Variants in SCN11A observed in about 807,000 individuals in gnomAD.
The protein encoded by SCN11A is sodium voltage-gated channel alpha subunit 11.
A neutral mutation model predicts 162.2 loss-of-function variants in SCN11A; 122 were observed. That is an observed-to-expected ratio of 0.75 (90% CI 0.65 to 0.87). SCN11A has a LOEUF of 0.87. SCN11A is among the 40% of genes least tolerant of loss of function. The probability of loss-of-function intolerance (pLI) is 0.00; values close to 1 mark genes in which losing one functional copy is unlikely to be tolerated. For synonymous variants in SCN11A, 758 were observed against 751.5 expected, an observed-to-expected ratio of 1.01 and a Z score of -0.14; for missense variants, 2,015 against 2,181.6, an observed-to-expected ratio of 0.92 and a Z score of 1.52.
In SCN11A at chr3:38,953,643, T is replaced by G. The variant is rs912270698; in HGVS notation, c.-22A>C. ...ATGGTCCTTACCGAGATTCCTGGCT[T>G]GAGCAGATGAGAGGACAGTGTGGCC... On this transcript the variant is annotated 5_prime_UTR_variant, in exon 4 of 30. Transcript: ENST00000302328. Among the ~76,000 whole-genome samples the G allele has an allele frequency of 7.2e-5, 11 of 151,872 alleles. No homozygotes were observed. The highest frequency in any genetic ancestry group is 1.9e-4 in the African/African-American group (8 of 41,350).
chr3:38,899,972 A>G lies in SCN11A; in HGVS notation c.1944T>C (p.Val648=). 8 of 1,614,164 alleles carry G rather than the reference A, an allele frequency of 5.0e-6. No homozygotes were observed. Among genetic ancestry groups the G allele is most frequent in the Non-Finnish European group, 6.8e-6 (8 of 1,179,998 alleles). ...RRGWNIFDSI[V]ALLSFADVMN... ...TTACATCTGCAAAACTCAGAAGAGC[A>G]ACAATGCTGTCAAAAATGTTCCAGC... Residue 648 remains valine (V), a synonymous_variant, in exon 17 of 30, where the codon GTT becomes GTC. Coordinates refer to ENST00000302328, the MANE Select transcript of SCN11A (RefSeq NM_001349253.2).
intron 6 of SCN11A, among the ~76,000 whole-genome samples, chr3:38,945,959 G>C (rs751887867): frequency 6.6e-6 from 1 of 151,956 alleles, no homozygotes; most frequent in Non-Finnish European, 1.5e-5. Flanking sequence ...TGCTTCTAGG[G>C]AACCAAACCC....
intron 7 of SCN11A, among the ~76,000 whole-genome samples, chr3:38,927,403 C>G (rs1288171734): frequency 6.6e-6 from 1 of 152,060 alleles, no homozygotes; most frequent in Non-Finnish European, 1.5e-5. Flanking sequence ...TCTACAGATT[C>G]AGTGCAATCC....
intron 2 of SCN11A, among the ~76,000 whole-genome samples, chr3:38,973,936 ATTC>A (rs1251122789): frequency 6.6e-6 from 1 of 152,252 alleles, no homozygotes; most frequent in Non-Finnish European, 1.5e-5. Context: ...GCCAACAGGA[ATTC>A]TTTCTGAAGG....
chr3:38,951,430 C>A (rs533056731), intron 4 of SCN11A, among the ~76,000 whole-genome samples: 1 of 152,380 alleles, frequency 6.6e-6, no homozygotes, highest in East Asian at 1.9e-4. Flanking sequence ...GCCTGAGCCT[C>A]CCACTCCCTC....
intron 2 of SCN11A, among the ~76,000 whole-genome samples, chr3:38,963,625 A>C (rs2066761902): frequency 6.6e-6 from 1 of 151,868 alleles, no homozygotes; most frequent in Non-Finnish European, 1.5e-5. Flanking sequence ...TAACTCAGGA[A>C]TTGAAAACTG....
In SCN11A at chr3:38,931,034, C is replaced by T. The variant is rs148385607; in HGVS notation, c.489-4103G>A. ...GCAGCTGTGGAAACAATGCACTCTC[C>T]TGATCTGTCTCCTCCATAGGTCCTG... On this transcript the variant is annotated intron_variant, in intron 7 of 29. Coordinates refer to ENST00000302328, the MANE Select transcript of SCN11A (RefSeq NM_001349253.2). Among the ~76,000 whole-genome samples the T allele has an allele frequency of 1.4e-4, 21 of 152,378 alleles. No individual in the cohort carries two copies. The East Asian group carries it at 4.0e-3, about 29-fold the overall frequency.
At chr3:38,900,135 C>T in intron 16 of SCN11A, 62 bp from the exon 17 acceptor site, 1 of 1,332,266 alleles carries the variant, frequency 7.5e-7, no homozygotes, top group Non-Finnish European at 1.1e-6. Context: ...TTAAGAATGG[C>T]CCAAGGGAAG....
intron 26 of SCN11A, among the ~76,000 whole-genome samples, chr3:38,869,282 C>T (rs187950594): frequency 3.4e-4 from 52 of 152,218 alleles, no homozygotes; most frequent in Admixed American, 2.2e-3. Flanking sequence ...TCTCCACCTC[C>T]GCACAGATGG....
intron 2 of SCN11A, among the ~76,000 whole-genome samples, chr3:39,028,977 T>C (rs2031675627): frequency 6.6e-6 from 1 of 152,220 alleles, no homozygotes; most frequent in Admixed American, 6.5e-5. Flanking sequence ...ATTCAAGCCA[T>C]TAGTAACTGC....
At chr3:38,908,930 C>T (rs2065843989) in intron 13 of SCN11A, 67 bp downstream of exon 13, 1 of 1,410,726 alleles carries the variant, frequency 7.1e-7, no homozygotes, top group Non-Finnish European at 1.0e-6. Context: ...AGTCTCAGGT[C>T]ACATTGCCTC....
Position 38,910,030 on chromosome 3 carries a change from G to T in SCN11A, c.1101+36C>A, listed in dbSNP as rs181765363. 1.0e-5 allele frequency: 16 copies of T among 1,599,592 alleles called. No individual in the cohort carries two copies. In the East Asian group the frequency reaches 2.7e-4, roughly 27 times the overall value. ...AGGGGGAAGGAAAAGGATGGAGGGA[G>T]GGAGAGAGGAAAAAGAGAGACTATA... is the stretch of plus-strand genomic sequence containing the variant. On this transcript the variant is annotated intron_variant, in intron 12 of 29. Transcript: ENST00000302328.
chr3:38,952,152 G>GT (rs1480472839), intron 4 of SCN11A, among the ~76,000 whole-genome samples: 1 of 152,124 alleles, frequency 6.6e-6, no homozygotes, highest in Non-Finnish European at 1.5e-5. Context: ...CTTAAGAGCC[G>GT]TAACACTCAC....
chr3:39,041,871 A>G (rs1407011030), intron 1 of SCN11A, among the ~76,000 whole-genome samples: 1 of 152,226 alleles, frequency 6.6e-6, no homozygotes, highest in Non-Finnish European at 1.5e-5. Context: ...ACTAGAAAAC[A>G]ATTAACAATA....
In SCN11A at chr3:38,904,044, G is replaced by T. The variant is rs551662571; in HGVS notation, c.1663C>A (p.Leu555Ile). The change falls in exon 16 of 30, where the codon CTC becomes ATC. Residue 555 changes from leucine to isoleucine, a missense_variant. Coordinates refer to ENST00000302328, the MANE Select transcript of SCN11A (RefSeq NM_001349253.2). ...PCGENLASKY[L>I]VWNCCPQWLC... ...CACTGGGGGCAACAGTTCCACACGA[G>T]GTACTTGGATGCCAGGTTTTCTCCA... The T allele has an allele frequency of 6.2e-7, 1 of 1,603,508 alleles. No individual in the cohort carries two copies. The highest frequency in any genetic ancestry group is 1.3e-5 in the African/African-American group (1 of 74,398).
In SCN11A at chr3:38,978,706, A is replaced by G. The variant is rs1291403696; in HGVS notation, c.-279-18283T>C. ...AAGTAATATAAAGTGAAATGAAGAT[A>G]ATTTGATTTTATTAAATTTAAACAT... On this transcript the variant is annotated intron_variant, in intron 2 of 29. Transcript: ENST00000302328. 3.3e-5 allele frequency among the ~76,000 whole-genome samples: 5 copies of G among 152,212 alleles called. No individual in the cohort carries two copies. The East Asian group carries it at 5.8e-4, about 18-fold the overall frequency.
At chr3:38,888,331 G>T (rs1004453970) in intron 19 of SCN11A, among the ~76,000 whole-genome samples, 17 of 152,190 alleles carry the variant, frequency 1.1e-4, no homozygotes, top group Non-Finnish European at 2.2e-4. Flanking sequence ...AGAAGACATG[G>T]ATCTGAAATG....
At chr3:38,889,132 T>C (rs1221892949) in intron 19 of SCN11A, among the ~76,000 whole-genome samples, 1 of 152,108 alleles carries the variant, frequency 6.6e-6, no homozygotes, top group African/African-American at 2.4e-5. Flanking sequence ...ACATGTTAAA[T>C]TACCTATTGC....
At chr3:38,883,869 T>C (rs971477968) in intron 21 of SCN11A, among the ~76,000 whole-genome samples, 2 of 152,192 alleles carry the variant, frequency 1.3e-5, no homozygotes, top group Non-Finnish European at 2.9e-5. Context: ...AGCAATTTTT[T>C]TGGTAATCAT....
Sources: gnomAD v4.1 joint callset for allele counts (sites outside exome capture counted in the v4.1 genomes callset) on GRCh38, gnomAD v4.1.1 for gene constraint, MANE v1.5 for transcripts, NCBI Gene and HGNC (gene_info 2026-07-23, HGNC 2026-07-21) for gene names.